MTF2: variants seen among roughly 807,000 people sequenced by gnomAD.
MTF2 encodes metal response element binding transcription factor 2, also known as metal-response element-binding transcription factor 2.
In MTF2, 11 loss-of-function variants were observed where a neutral mutation model predicts 79.5. The observed-to-expected ratio is 0.14, with a 90% CI of 0.09 to 0.23. The LOEUF is 0.23. Ranked by LOEUF, MTF2 falls within the 10% of genes least tolerant of loss-of-function variation. The pLI, the probability that MTF2 is intolerant of heterozygous loss-of-function variation, is 1.00. For missense variants in MTF2, 486 were observed against 711.2 expected (o/e 0.68, Z 3.60); for synonymous variants, 208 against 232.8 (o/e 0.89, Z 0.97).
chr1:93,129,410 T>C lies in MTF2; in HGVS notation c.1122T>C (p.Ile374=), dbSNP rs1280975515. The C allele has an allele frequency of 6.4e-7, 1 of 1,573,054 alleles. No individual in the cohort carries two copies. Among genetic ancestry groups the C allele is most frequent in the Admixed American group, 1.7e-5 (1 of 58,518 alleles). Residue 374 remains isoleucine (I), a synonymous_variant, in exon 11 of 15, where the codon ATT becomes ATC. Transcript: ENST00000370298. ...EPEGTSHEFK[I]KGRKASKPIS... The stretch of plus-strand genomic sequence containing the variant: ...AAGGAACATCTCATGAATTTAAAAT[T>C]AAAGGCAGAAAGGCATCCAAACCTA...
intron 8 of MTF2, 50 bp downstream of exon 8, chr1:93,119,451 C>A: frequency 7.2e-7 from 1 of 1,384,716 alleles, no homozygotes; most frequent in South Asian, 1.3e-5. Context: ...TTTCTTAAAC[C>A]TACAAGTTGA....
intron 9 of MTF2, among the ~76,000 whole-genome samples, chr1:93,122,676 A>G (rs539544): frequency 0.79 from 120,769 of 152,094 alleles, 51,070 homozygotes; most frequent in East Asian, 0.93. Flanking sequence ...AAAACAAGAG[A>G]CTAATAATTT....
intron 1 of MTF2, among the ~76,000 whole-genome samples, chr1:93,086,669 A>G (rs898402109): frequency 3.3e-5 from 5 of 152,088 alleles, no homozygotes; most frequent in African/African-American, 1.2e-4. Flanking sequence ...CTAATATATC[A>G]TATTTGACTT....
intron 1 of MTF2, among the ~76,000 whole-genome samples, chr1:93,094,957 A>G (rs1297616538): frequency 1.3e-5 from 2 of 152,298 alleles, no homozygotes; most frequent in African/African-American, 4.8e-5. Context: ...CCTTGAAAGA[A>G]TAAACGTTCC....
At chr1:93,110,193 A>G in intron 1 of MTF2, 37 bp from the exon 2 acceptor site, 1 of 1,569,046 alleles carries the variant, frequency 6.4e-7, no homozygotes, top group Non-Finnish European at 8.8e-7. Context: ...AAGCTCTACA[A>G]GTAAGTCTTA....
At position 93,083,313 on chromosome 1, in the gene MTF2, C is replaced by T. The variant is rs570792450; in HGVS notation, c.5+3782C>T. On this transcript the variant is annotated intron_variant, in intron 1 of 14. Transcript: ENST00000370298. The stretch of plus-strand genomic sequence containing the variant: ...TCCAATGTTGGGGGTTACAATTTGA[C>T]GGAATATTTGGGCGGGCACACAAAA... Among the ~76,000 whole-genome samples the T allele has an allele frequency of 2.0e-3, 302 of 152,230 alleles. 2 individuals carry two copies. Among genetic ancestry groups the T allele is most frequent in the Non-Finnish European group, 2.9e-3 (195 of 68,018 alleles).
At chr1:93,111,988 C>T (rs1557551696) in intron 3 of MTF2, among the ~76,000 whole-genome samples, 1 of 152,088 alleles carries the variant, frequency 6.6e-6, no homozygotes, top group Non-Finnish European at 1.5e-5. Context: ...TGTCTACTTC[C>T]TCCTTTCTAC....
At chr1:93,134,910 A>T (rs1376149377) in intron 14 of MTF2, among the ~76,000 whole-genome samples, 1 of 151,660 alleles carries the variant, frequency 6.6e-6, no homozygotes, top group Non-Finnish European at 1.5e-5. Context: ...TTTCATCAAT[A>T]GCAGACTCCC....
intron 9 of MTF2, among the ~76,000 whole-genome samples, chr1:93,125,942 TA>T (rs1656678546): frequency 1.3e-5 from 2 of 152,088 alleles, no homozygotes; most frequent in Non-Finnish European, 2.9e-5. Context: ...TCAGTGGCAC[TA>T]ATTAAGCCAA....
At chr1:93,133,007 G>A (rs1656983213) in intron 11 of MTF2, among the ~76,000 whole-genome samples, 2 of 151,710 alleles carry the variant, frequency 1.3e-5, no homozygotes, top group Admixed American at 6.6e-5. Context: ...TCTATAATTA[G>A]TGTCTTTGCC....
chr1:93,081,845 G>T (rs1654618272), intron 1 of MTF2, among the ~76,000 whole-genome samples: 1 of 152,166 alleles, frequency 6.6e-6, no homozygotes, highest in Non-Finnish European at 1.5e-5. Flanking sequence ...ATATGTAGCA[G>T]TGCTACTGTA....
chr1:93,112,759 T>G (rs1272383290), intron 3 of MTF2, among the ~76,000 whole-genome samples: 1 of 152,214 alleles, frequency 6.6e-6, no homozygotes, highest in African/African-American at 2.4e-5. Flanking sequence ...CTATAGAAGA[T>G]TACTAAGCTA....
In MTF2 at chr1:93,138,944, C is replaced by T. The variant is rs879170012; in HGVS notation, c.*1917C>T. 4 of 152,138 alleles carry T rather than the reference C, an allele frequency of 2.6e-5. No individual in the cohort carries two copies. Among genetic ancestry groups the T allele is most frequent in the African/African-American group, 9.7e-5 (4 of 41,438 alleles). The allele number at this position is 152,138 out of a possible 1,614,324, so 9.4% of individuals were successfully genotyped here. On this transcript the variant is annotated 3_prime_UTR_variant, in exon 15 of 15. Coordinates refer to ENST00000370298, the MANE Select transcript of MTF2 (RefSeq NM_007358.4). ...TTTATCCAGCTGAACTGTCTTTAGA[C>T]GTAATTATTGTGAATGTCTGTTTTA...
chr1:93,079,352 G>A lies in MTF2; in HGVS notation c.-175G>A. 1.4e-6 allele frequency: 1 copy of A among 726,974 alleles called. No individual in the cohort carries two copies. 45.0% of individuals were successfully genotyped at this position (726,974 alleles called of 1,614,324 possible). ...CTGTGTTTGAGGCCGGTGTAAGAAC[G>A]CTCATTCTACCCCCAACCCTTGTCT... On this transcript the variant is annotated 5_prime_UTR_variant, in exon 1 of 15. Transcript: ENST00000370298.
intron 1 of MTF2, among the ~76,000 whole-genome samples, chr1:93,083,638 C>T (rs1256802038): frequency 6.6e-6 from 1 of 152,050 alleles, no homozygotes; most frequent in Non-Finnish European, 1.5e-5. Context: ...GAGGAACTGC[C>T]AAACTGTTTT....
At chr1:93,133,133 T>C (rs1269109636) in intron 11 of MTF2, among the ~76,000 whole-genome samples, 1 of 152,134 alleles carries the variant, frequency 6.6e-6, no homozygotes, top group Non-Finnish European at 1.5e-5. Flanking sequence ...GAAGGATTTC[T>C]TACTCCTTTC....
chr1:93,085,548 G>A lies in MTF2; in HGVS notation c.5+6017G>A, dbSNP rs142521209. On this transcript the variant is annotated intron_variant, in intron 1 of 14. Transcript: ENST00000370298. ...GTTGCCCAGGCTGGAGTGCAGTGGC[G>A]TGATCATAGCTCACTGTACCCTCAA... Among the ~76,000 whole-genome samples the A allele has an allele frequency of 9.9e-4, 146 of 147,874 alleles. No homozygotes were observed. The Middle Eastern group carries it at 0.011, about 11-fold the overall frequency.
At chr1:93,133,405 G>T (rs1647220373) in intron 11 of MTF2, among the ~76,000 whole-genome samples, 1 of 151,806 alleles carries the variant, frequency 6.6e-6, no homozygotes. Context: ...ATAATTGTCT[G>T]GTTTTTGTTG....
rs546413400 is a variant in MTF2 at position 93,118,335 on chromosome 1, T to C, written c.633-10T>C. ...AATTTTAGTGTTAACTTTTTTGTTT[T>C]TTTTAATAGCTGGTATTTGAAGATG... On this transcript the variant is annotated splice_polypyrimidine_tract_variant and intron_variant, in intron 6 of 14. Coordinates refer to ENST00000370298, the MANE Select transcript of MTF2 (RefSeq NM_007358.4). 4 of 1,564,684 alleles carry C rather than the reference T, an allele frequency of 2.6e-6. No individual in the cohort carries two copies. In the South Asian group the frequency reaches 4.9e-5, roughly 19 times the overall value.
Sources: gnomAD v4.1 joint callset for allele counts (sites outside exome capture counted in the v4.1 genomes callset) on GRCh38, gnomAD v4.1.1 for gene constraint, MANE v1.5 for transcripts, NCBI Gene and HGNC (gene_info 2026-07-23, HGNC 2026-07-21) for gene names.